Variants in CLIC6 observed in about 807,000 individuals in gnomAD.
The protein encoded by CLIC6 is CLIC family member 6, also known as chloride intracellular channel protein 6.
Under a neutral mutation model 49.2 loss-of-function variants are expected in CLIC6, and 39 were observed. The observed-to-expected ratio is 0.79, with a 90% CI of 0.61 to 1.04. CLIC6 has a LOEUF of 1.04. Among genes scored for constraint, CLIC6 ranks in the 50% least tolerant of loss-of-function variants. The pLI is 0.00. For synonymous variants in CLIC6, 446 were observed against 433.4 expected, an observed-to-expected ratio of 1.03 and a Z score of -0.36; for missense variants, 988 against 993.1, an observed-to-expected ratio of 0.99 and a Z score of 0.07.
intron 1 of CLIC6, among the ~76,000 whole-genome samples, chr21:34,683,110 C>A (rs1257283282): frequency 6.6e-6 from 1 of 152,128 alleles, no homozygotes; most frequent in East Asian, 1.9e-4. Flanking sequence ...CGCGCCTGGC[C>A]CCCTTTCCCT....
In CLIC6 at chr21:34,670,760, A is replaced by C. The variant is rs762992214; in HGVS notation, c.1372A>C (p.Lys458Gln). The C allele has an allele frequency of 6.3e-7, 1 of 1,598,424 alleles. No individual in the cohort carries two copies. The highest frequency in any genetic ancestry group is 8.5e-7 in the Non-Finnish European group (1 of 1,177,614). Reference protein sequence around the residue: ...GQEHDITLFVKAGYDGESIGN... With the variant: ...GQEHDITLFVQAGYDGESIGN... ...GGAGCACGACATCACCCTCTTCGTC[A>C]AGGTAAAGCTCGCTTCCCTCAATTC... The change falls in exon 1 of 6, where the codon AAG (lysine) becomes CAG (glutamine). Residue 458 changes from lysine (K) to glutamine (Q), a missense_variant and splice_region_variant. Around this residue, in one of 3 missense-constraint regions of CLIC6, gnomAD observed 647 missense variants for 596.9 expected, o/e 1.08. Coordinates refer to ENST00000349499, the MANE Select transcript of CLIC6 (RefSeq NM_053277.3).
At position 34,716,902 on chromosome 21, in the gene CLIC6, T is replaced by C. The variant is rs1332465163; in HGVS notation, c.*420T>C. 1.2e-5 allele frequency: 1 copy of C among 84,240 alleles called. No homozygotes were observed. Among genetic ancestry groups the C allele is most frequent in the Non-Finnish European group, 2.4e-5 (1 of 42,130 alleles). The allele number at this position is 84,240 out of a possible 1,614,324, so 5.2% of individuals were successfully genotyped here. A position where few individuals can be genotyped will look rare whatever the true frequency, so the allele number is the denominator to read the frequency against. Reference sequence around the variant, plus strand: ...CACACACACACACACACACACACAATTTCATTCATATATGGTATTGCATTA... The same window carrying C: ...CACACACACACACACACACACACAACTTCATTCATATATGGTATTGCATTA... On this transcript the variant is annotated 3_prime_UTR_variant, in exon 6 of 6. Coordinates refer to ENST00000349499, the MANE Select transcript of CLIC6 (RefSeq NM_053277.3).
intron 5 of CLIC6, among the ~76,000 whole-genome samples, chr21:34,714,606 T>C (rs1490632828): frequency 6.6e-6 from 1 of 151,618 alleles, no homozygotes; most frequent in Non-Finnish European, 1.5e-5. Flanking sequence ...GAAAATCGCT[T>C]GAACCTGGGA....
At chr21:34,703,431 G>A (rs749590745) in intron 1 of CLIC6, among the ~76,000 whole-genome samples, 26 of 151,996 alleles carry the variant, frequency 1.7e-4, no homozygotes, top group African/African-American at 5.6e-4. Flanking sequence ...GGGAGTCATC[G>A]CCCCGTCAGG....
At chr21:34,715,083 T>A (rs1308455259) in intron 5 of CLIC6, among the ~76,000 whole-genome samples, 1 of 152,140 alleles carries the variant, frequency 6.6e-6, no homozygotes, top group African/African-American at 2.4e-5. Context: ...GCCTCCAAAG[T>A]CTGCGCAGTA....
At chr21:34,689,796 T>C (rs1989956179) in intron 1 of CLIC6, among the ~76,000 whole-genome samples, 1 of 152,154 alleles carries the variant, frequency 6.6e-6, no homozygotes. Context: ...TCCACTTTCT[T>C]AGGTTTGGCA....
intron 1 of CLIC6, among the ~76,000 whole-genome samples, chr21:34,701,815 C>T (rs938272223): frequency 6.6e-6 from 1 of 152,182 alleles, no homozygotes; most frequent in East Asian, 1.9e-4. Flanking sequence ...CAAGAAGTCT[C>T]ATCAATTTAA....
At chr21:34,695,522 C>G (rs1328333528) in intron 1 of CLIC6, among the ~76,000 whole-genome samples, 1 of 152,242 alleles carries the variant, frequency 6.6e-6, no homozygotes, top group Non-Finnish European at 1.5e-5. Flanking sequence ...AGCTTGTTCT[C>G]TCACATTCTG....
intron 1 of CLIC6, among the ~76,000 whole-genome samples, chr21:34,681,620 T>C (rs1989782266): frequency 7.0e-6 from 1 of 142,766 alleles, no homozygotes; most frequent in African/African-American, 3.1e-5. Context: ...TGCAGTTAGT[T>C]TTTTTTACCA....
chr21:34,694,675 G>T (rs886580270), intron 1 of CLIC6, among the ~76,000 whole-genome samples: 1 of 152,128 alleles, frequency 6.6e-6, no homozygotes, highest in Admixed American at 6.6e-5. Context: ...TGTACAGCCT[G>T]CAGAGCCATG....
At chr21:34,709,324 C>A in intron 4 of CLIC6, 33 bp from the exon 5 acceptor site, 1 of 1,591,724 alleles carries the variant, frequency 6.3e-7, no homozygotes, top group Admixed American at 1.7e-5. Context: ...ACTTGCAAAC[C>A]TCTCTTTGTG....
At chr21:34,700,467 A>G (rs1475595231) in intron 1 of CLIC6, among the ~76,000 whole-genome samples, 1 of 139,740 alleles carries the variant, frequency 7.2e-6, no homozygotes, top group Non-Finnish European at 1.6e-5. Context: ...AAAAAAGAAA[A>G]GAAAAGAATA....
At chr21:34,695,285 G>A (rs1274983424) in intron 1 of CLIC6, among the ~76,000 whole-genome samples, 1 of 152,142 alleles carries the variant, frequency 6.6e-6, no homozygotes, top group South Asian at 2.1e-4. Flanking sequence ...AATCAAACCT[G>A]TCCTGACCAC....
chr21:34,681,739 G>A (rs1568959323), intron 1 of CLIC6, among the ~76,000 whole-genome samples: 2 of 152,148 alleles, frequency 1.3e-5, no homozygotes. Flanking sequence ...TGCCTTTTAT[G>A]ACTTTGTCTC....
chr21:34,673,445 A>G (rs1033186074), intron 1 of CLIC6, among the ~76,000 whole-genome samples: 39 of 151,220 alleles, frequency 2.6e-4, no homozygotes, highest in Non-Finnish European at 3.7e-4. Context: ...ATGCGCCACC[A>G]CGTCTGGCTA....
At chr21:34,708,641 A>T in intron 3 of CLIC6, 59 bp from the exon 4 acceptor site, 1 of 1,146,600 alleles carries the variant, frequency 8.7e-7, no homozygotes, top group Non-Finnish European at 1.3e-6. Context: ...TCCATTGTAT[A>T]GTATTATCTT....
intron 1 of CLIC6, among the ~76,000 whole-genome samples, chr21:34,679,929 AG>A (rs1989743488): frequency 2.6e-5 from 4 of 152,132 alleles, no homozygotes; most frequent in Admixed American, 2.6e-4. Context: ...TGGCTTTTCC[AG>A]GTGCACAGTG....
rs115008561 is a variant in CLIC6 at position 34,716,340 on chromosome 21, G to A, written c.1919G>A (p.Arg640Lys). ...TTTCAGATTGTGGCCAAGAAGTACA[G>A]AGATTTTGAATTTCCTTCTGAAATG... is the stretch of plus-strand genomic sequence containing the variant. ...HIIKIVAKKY[R>K]DFEFPSEMTG... Residue 640 changes from arginine to lysine, a missense_variant, in exon 6 of 6, where the codon AGA becomes AAA. Coordinates refer to ENST00000349499, the MANE Select transcript of CLIC6 (RefSeq NM_053277.3). 2.0e-3 allele frequency: 3,261 copies of A among 1,612,476 alleles called. 50 individuals carry two copies. The African/African-American group carries it at 0.034, about 17-fold the overall frequency.
intron 1 of CLIC6, among the ~76,000 whole-genome samples, chr21:34,705,474 T>C (rs1289981573): frequency 6.6e-6 from 1 of 152,148 alleles, no homozygotes; most frequent in East Asian, 1.9e-4. Context: ...ACCACTTGGA[T>C]GTATGTGTCA....
Sources: gnomAD v4.1 joint callset for allele counts (sites outside exome capture counted in the v4.1 genomes callset) on GRCh38, gnomAD v4.1.1 for gene constraint, gnomAD v4.1.1 regional missense constraint, MANE v1.5 for transcripts, NCBI Gene and HGNC (gene_info 2026-07-23, HGNC 2026-07-21) for gene names.